Variants in NRXN3 observed in about 807,000 individuals in gnomAD.
NRXN3 encodes neurexin III.
Under a neutral mutation model 137.6 loss-of-function variants are expected in NRXN3, and 32 were observed. The ratio of observed to expected loss-of-function variants is 0.23; its 90% CI spans 0.18 to 0.31. The LOEUF (loss-of-function observed/expected upper bound fraction) is 0.31, where lower values mean the gene tolerates loss of function less well. NRXN3 is among the 10% of genes least tolerant of loss of function. The pLI is 1.00. For missense variants in NRXN3, 1,574 were observed against 2,062.5 expected, an observed-to-expected ratio of 0.76 and a Z score of 4.59; for synonymous variants, 798 against 784.5, an observed-to-expected ratio of 1.02 and a Z score of -0.29.
intron 4 of NRXN3, among the ~76,000 whole-genome samples, chr14:78,392,305 A>T (rs544771356): frequency 6.6e-6 from 1 of 152,200 alleles, no homozygotes; most frequent in Non-Finnish European, 1.5e-5. Flanking sequence ...CCTAACTCTG[A>T]CACTCACTGT....
At chr14:78,541,975 C>T (rs888362049) in intron 4 of NRXN3, among the ~76,000 whole-genome samples, 1 of 152,196 alleles carries the variant, frequency 6.6e-6, no homozygotes, top group Admixed American at 6.5e-5. Flanking sequence ...TATTGCAGAA[C>T]AGCAAATATT....
At position 79,529,117 on chromosome 14, in the gene NRXN3, C is replaced by T. The variant is rs540219619; in HGVS notation, c.3444+61715C>T. Among the ~76,000 whole-genome samples the T allele has an allele frequency of 5.3e-5, 8 of 152,224 alleles. No homozygotes were observed. In the South Asian group the frequency reaches 1.2e-3, roughly 24 times the overall value. ...GCTTTATTCAGCTGGGAGTATGGGC[C>T]AGCTACTCTCTCAAAATCCGAGCTC... On this transcript the variant is annotated intron_variant, in intron 16 of 20. Transcript: ENST00000335750.
intron 14 of NRXN3, among the ~76,000 whole-genome samples, chr14:78,969,231 G>C (rs560226021): frequency 6.6e-6 from 1 of 152,282 alleles, no homozygotes; most frequent in South Asian, 2.1e-4. Context: ...ATGATCCACT[G>C]TCTCTTGAGA....
At chr14:78,482,882 C>G (rs1329535187) in intron 4 of NRXN3, among the ~76,000 whole-genome samples, 3 of 152,128 alleles carry the variant, frequency 2.0e-5, no homozygotes, top group African/African-American at 7.2e-5. Flanking sequence ...GGTTACTAGT[C>G]AATCTGGGTT....
chr14:78,880,239 C>CAAA (rs59348965), intron 10 of NRXN3, among the ~76,000 whole-genome samples: 60 of 45,202 alleles, frequency 1.3e-3, no homozygotes, highest in African/African-American at 2.2e-3. Context: ...GACTCCGTCT[C>CAAA]AAAAAAAAAA....
intron 10 of NRXN3, among the ~76,000 whole-genome samples, chr14:78,843,828 T>C (rs189950725): frequency 3.3e-4 from 50 of 152,266 alleles, no homozygotes; most frequent in African/African-American, 1.2e-3. Flanking sequence ...TAAGTTGTTA[T>C]GGCTGGCCCC....
At chr14:78,316,854 G>A (rs765957405) in intron 4 of NRXN3, among the ~76,000 whole-genome samples, 9 of 152,178 alleles carry the variant, frequency 5.9e-5, no homozygotes, top group Non-Finnish European at 1.2e-4. Flanking sequence ...CTGCCCATGT[G>A]ATTTTAAGAT....
chr14:78,968,337 G>A lies in NRXN3; in HGVS notation c.3133G>A (p.Gly1045Ser). ...TCATCGGAGCGGACAGATCGAGCGTGGCTGTGAAGGTACAACCTATTTTTT... is the reference window on the plus strand; with the variant it reads ...TCATCGGAGCGGACAGATCGAGCGTAGCTGTGAAGGTACAACCTATTTTTT... ...ALHRSGQIER[G>S]CEGPSTTCQE... Residue 1045 changes from glycine to serine, a missense_variant, in exon 14 of 21, where the codon GGC becomes AGC. Coordinates refer to ENST00000335750, the MANE Select transcript of NRXN3 (RefSeq NM_001330195.2). The A allele has an allele frequency of 1.2e-6, 2 of 1,613,108 alleles. No individual in the cohort carries two copies. Among genetic ancestry groups the A allele is most frequent in the Non-Finnish European group, 1.7e-6 (2 of 1,179,334 alleles).
intron 19 of NRXN3, among the ~76,000 whole-genome samples, chr14:79,798,006 A>G (rs971711781): frequency 2.0e-5 from 3 of 151,984 alleles, no homozygotes; most frequent in Non-Finnish European, 4.4e-5. Context: ...AGGCTGAGGC[A>G]AGAGGATCAC....
At chr14:79,452,914 T>A (rs933002437) in intron 15 of NRXN3, among the ~76,000 whole-genome samples, 4 of 152,220 alleles carry the variant, frequency 2.6e-5, no homozygotes, top group African/African-American at 9.6e-5. Context: ...ATAAACTAAT[T>A]ACTAATATAT....
intron 15 of NRXN3, among the ~76,000 whole-genome samples, chr14:79,317,905 T>C (rs2153234473): frequency 6.6e-6 from 1 of 152,288 alleles, no homozygotes; most frequent in Non-Finnish European, 1.5e-5. Context: ...AAAGTTTTAC[T>C]GATGGTGGTT....
At chr14:78,544,016 C>A (rs1450493695) in intron 4 of NRXN3, among the ~76,000 whole-genome samples, 3 of 152,128 alleles carry the variant, frequency 2.0e-5, no homozygotes, top group African/African-American at 7.2e-5. Context: ...ATTTACTGTT[C>A]CCATTTCCCC....
chr14:79,521,204 T>C (rs1181023355), intron 16 of NRXN3, among the ~76,000 whole-genome samples: 2 of 152,194 alleles, frequency 1.3e-5, no homozygotes, highest in Non-Finnish European at 1.5e-5. Flanking sequence ...TCCTCTCCTG[T>C]TACTTTATCA....
At chr14:78,302,528 A>T (rs2076976257) in intron 4 of NRXN3, among the ~76,000 whole-genome samples, 1 of 152,178 alleles carries the variant, frequency 6.6e-6, no homozygotes, top group Admixed American at 6.5e-5. Context: ...CCCGGATACA[A>T]GGGTGACCTC....
intron 15 of NRXN3, among the ~76,000 whole-genome samples, chr14:79,080,276 A>G (rs1384853728): frequency 6.6e-6 from 1 of 152,196 alleles, no homozygotes; most frequent in Non-Finnish European, 1.5e-5. Flanking sequence ...ATTTCAAAGC[A>G]AATTCAATTT....
intron 4 of NRXN3, among the ~76,000 whole-genome samples, chr14:78,410,158 T>A (rs138412700): frequency 5.3e-4 from 80 of 152,322 alleles, no homozygotes; most frequent in African/African-American, 1.9e-3. Flanking sequence ...TCAGTAACTG[T>A]GCCCATGGAA....
intron 20 of NRXN3, among the ~76,000 whole-genome samples, chr14:79,845,077 C>A (rs545344903): frequency 3.2e-4 from 48 of 151,950 alleles, no homozygotes; most frequent in Non-Finnish European, 4.7e-4. Flanking sequence ...CATGAACCAA[C>A]CCCTGGTAGC....
At chr14:78,355,054 C>T (rs1266202985) in intron 4 of NRXN3, among the ~76,000 whole-genome samples, 1 of 152,210 alleles carries the variant, frequency 6.6e-6, no homozygotes, top group Non-Finnish European at 1.5e-5. Context: ...GAACCCTCCC[C>T]ACCTTTTGAA....
rs186434826 is a variant in NRXN3 at position 79,369,439 on chromosome 14, A to G, written c.3263-97782A>G. Among the ~76,000 whole-genome samples the G allele has an allele frequency of 4.9e-4, 74 of 152,332 alleles. 1 individual carries two copies. The highest frequency in any genetic ancestry group is 1.7e-3 in the African/African-American group (70 of 41,590). Reference sequence around the variant, plus strand: ...GTCCATGGTGTATAACAAATCTTTTATGGTGAGTGATCCATGGAATTAGGT... The same window carrying G: ...GTCCATGGTGTATAACAAATCTTTTGTGGTGAGTGATCCATGGAATTAGGT... On this transcript the variant is annotated intron_variant, in intron 15 of 20. Transcript: ENST00000335750.
Sources: allele counts gnomAD v4.1 joint callset (sites outside exome capture counted in the v4.1 genomes callset), GRCh38; gene constraint gnomAD v4.1.1; transcripts MANE v1.5; gene names NCBI Gene and HGNC (gene_info 2026-07-23, HGNC 2026-07-21).